The following ADAMTS3 variants were observed in gnomAD, a reference collection of about 807,000 sequenced individuals.
ADAMTS3 encodes A disintegrin and metalloproteinase with thrombospondin motifs 3.
A neutral mutation model predicts 129.0 loss-of-function variants in ADAMTS3; 73 were observed. The observed-to-expected ratio is 0.57, with a 90% CI of 0.47 to 0.69. The LOEUF is 0.69. Among genes scored for constraint, ADAMTS3 ranks in the 30% least tolerant of loss-of-function variants. The pLI, the probability that ADAMTS3 is intolerant of heterozygous loss-of-function variation, is 0.00. For synonymous variants in ADAMTS3, 477 were observed against 510.8 expected, an observed-to-expected ratio of 0.93 and a Z score of 0.89; for missense variants, 1,457 against 1,514.5, an observed-to-expected ratio of 0.96 and a Z score of 0.63.
chr4:72,316,495 G>C (rs1432887882), intron 10 of ADAMTS3, among the ~76,000 whole-genome samples: 4 of 152,116 alleles, frequency 2.6e-5, no homozygotes, highest in Middle Eastern at 3.4e-3. Flanking sequence ...AGACCAGCCT[G>C]GTCAACATAG....
intron 2 of ADAMTS3, among the ~76,000 whole-genome samples, chr4:72,550,117 A>AGGC (rs1249967813): frequency 6.9e-6 from 1 of 144,894 alleles, no homozygotes; most frequent in Non-Finnish European, 1.5e-5. Context: ...AAGAAGAAGA[A>AGGC]GGCATAGAAA....
At chr4:72,407,599 C>A (rs1341113641) in intron 4 of ADAMTS3, among the ~76,000 whole-genome samples, 1 of 152,004 alleles carries the variant, frequency 6.6e-6, no homozygotes, top group Non-Finnish European at 1.5e-5. Context: ...CTAGAGAGAA[C>A]CAAGGCCTTC....
intron 3 of ADAMTS3, among the ~76,000 whole-genome samples, chr4:72,529,756 T>A (rs1162911613): frequency 9.2e-6 from 1 of 109,146 alleles, no homozygotes; most frequent in African/African-American, 3.6e-5. Context: ...ATATTGTATA[T>A]AATATTAATA....
At chr4:72,360,258 C>T (rs1459265462) in intron 4 of ADAMTS3, among the ~76,000 whole-genome samples, 1 of 152,044 alleles carries the variant, frequency 6.6e-6, no homozygotes, top group African/African-American at 2.4e-5. Flanking sequence ...TGGACTGTGA[C>T]CTGACAGGGG....
intron 3 of ADAMTS3, among the ~76,000 whole-genome samples, chr4:72,501,459 A>C (rs1049900478): frequency 3.3e-5 from 5 of 152,146 alleles, no homozygotes; most frequent in Admixed American, 6.5e-5. Context: ...ATTTTTATAC[A>C]TTGATTTTGT....
At chr4:72,320,646 G>A in intron 7 of ADAMTS3, 68 bp downstream of exon 7, 1 of 1,507,476 alleles carries the variant, frequency 6.6e-7, no homozygotes. Context: ...TGAACAGACT[G>A]CCTGATTTAG....
intron 4 of ADAMTS3, among the ~76,000 whole-genome samples, chr4:72,343,645 G>A (rs1720197184): frequency 6.6e-6 from 1 of 152,146 alleles, no homozygotes; most frequent in Admixed American, 6.5e-5. Flanking sequence ...AATGGTGCTA[G>A]CTGAGTTGGG....
intron 3 of ADAMTS3, among the ~76,000 whole-genome samples, chr4:72,539,182 T>C (rs552125935): frequency 1.2e-4 from 19 of 152,044 alleles, no homozygotes; most frequent in African/African-American, 3.6e-4. Context: ...ATAAAAAGAT[T>C]TTTGTGTATC....
intron 4 of ADAMTS3, among the ~76,000 whole-genome samples, chr4:72,353,538 G>A (rs1477002545): frequency 2.0e-5 from 3 of 151,980 alleles, no homozygotes; most frequent in Non-Finnish European, 4.4e-5. Flanking sequence ...GCAAGCTGGA[G>A]TCAGCAGGTC....
chr4:72,525,616 T>C (rs1720786005), intron 3 of ADAMTS3, among the ~76,000 whole-genome samples: 1 of 152,062 alleles, frequency 6.6e-6, no homozygotes, highest in Non-Finnish European at 1.5e-5. Context: ...GAACACAAAA[T>C]GTATGGTCTT....
At chr4:72,368,804 T>A (rs1720933192) in intron 4 of ADAMTS3, among the ~76,000 whole-genome samples, 1 of 152,202 alleles carries the variant, frequency 6.6e-6, no homozygotes, top group African/African-American at 2.4e-5. Flanking sequence ...GGACCTAGCA[T>A]TTACACAATT....
intron 3 of ADAMTS3, among the ~76,000 whole-genome samples, chr4:72,496,312 A>T (rs1280666885): frequency 1.3e-5 from 2 of 152,220 alleles, no homozygotes; most frequent in African/African-American, 4.8e-5. Flanking sequence ...TGCTGAAAGC[A>T]GTATTGTTCA....
intron 3 of ADAMTS3, among the ~76,000 whole-genome samples, chr4:72,530,462 A>T (rs1313278909): frequency 7.7e-5 from 7 of 90,478 alleles, no homozygotes; most frequent in African/African-American, 3.2e-4. Flanking sequence ...TTATATATTA[A>T]ATATATTAAT....
intron 2 of ADAMTS3, among the ~76,000 whole-genome samples, chr4:72,555,228 C>T (rs1200066426): frequency 6.6e-6 from 1 of 151,694 alleles, no homozygotes; most frequent in African/African-American, 2.4e-5. Flanking sequence ...CAAATAAAAA[C>T]TTAGGTTTGG....
chr4:72,306,523 G>A (rs991973624), intron 15 of ADAMTS3, among the ~76,000 whole-genome samples: 1 of 151,936 alleles, frequency 6.6e-6, no homozygotes, highest in Admixed American at 6.6e-5. Context: ...AGTATAGACA[G>A]CTAAACTTCT....
At chr4:72,375,105 C>A (rs1410664588) in intron 4 of ADAMTS3, among the ~76,000 whole-genome samples, 1 of 152,066 alleles carries the variant, frequency 6.6e-6, no homozygotes, top group Admixed American at 6.6e-5. Context: ...ATTTTATTAC[C>A]AATTCCTCCA....
intron 3 of ADAMTS3, among the ~76,000 whole-genome samples, chr4:72,520,996 T>A (rs866108307): frequency 6.6e-6 from 1 of 151,388 alleles, no homozygotes; most frequent in African/African-American, 2.4e-5. Context: ...TCCTCCCCAC[T>A]TTTTTTCTTT....
intron 4 of ADAMTS3, among the ~76,000 whole-genome samples, chr4:72,374,645 A>G (rs1307142368): frequency 2.0e-5 from 3 of 152,164 alleles, no homozygotes; most frequent in African/African-American, 4.8e-5. Context: ...TCCTGTCCAC[A>G]TTGGTGGATT....
At chr4:72,530,750 T>TATTATATAG (rs1166183212) in intron 3 of ADAMTS3, among the ~76,000 whole-genome samples, 1 of 32,026 alleles carries the variant, frequency 3.1e-5, no homozygotes, top group Admixed American at 6.8e-4. Context: ...ATATATTATA[T>TATTATATAG]ATTATATATT....
Sources: allele counts gnomAD v4.1 joint callset (sites outside exome capture counted in the v4.1 genomes callset), GRCh38; gene constraint gnomAD v4.1.1; transcripts MANE v1.5; gene names NCBI Gene and HGNC (gene_info 2026-07-23, HGNC 2026-07-21).